The following PIK3CD variants were observed in gnomAD, a reference collection of about 807,000 sequenced individuals.
The protein encoded by PIK3CD is phosphatidylinositol 4,5-bisphosphate 3-kinase catalytic subunit delta isoform.
In PIK3CD, 20 loss-of-function variants were observed where a neutral mutation model predicts 122.9. The observed-to-expected ratio is 0.16, with a 90% confidence interval of 0.11 to 0.24. The LOEUF is 0.24. Ranked by LOEUF, PIK3CD falls within the 10% of genes least tolerant of loss-of-function variation. The probability of loss-of-function intolerance (pLI) is 1.00; values close to 1 mark genes in which losing one functional copy is unlikely to be tolerated. For synonymous variants in PIK3CD, 596 were observed against 593.4 expected (o/e 1.00, Z -0.06); for missense variants, 787 against 1,406.3 (o/e 0.56, Z 7.04).
chr1:9,669,868 A>G (rs2100968150), intron 1 of PIK3CD, among the ~76,000 whole-genome samples: 1 of 152,242 alleles, frequency 6.6e-6, no homozygotes, highest in Middle Eastern at 3.4e-3. Context: ...CATCCTTCTA[A>G]AAAAGTCCAT....
At chr1:9,721,900 C>G in intron 16 of PIK3CD, 40 bp downstream of exon 16, 1 of 1,612,204 alleles carries the variant, frequency 6.2e-7, no homozygotes. Flanking sequence ...GGGGGCGGCC[C>G]TGAGCGTCTG....
At chr1:9,636,532 C>T in the PIK3CD span, among the ~76,000 whole-genome samples, 1 of 152,182 alleles carries the variant, frequency 6.6e-6, no homozygotes, top group South Asian at 2.1e-4. Context: ...CCATCAGTTC[C>T]CATGATGCTG....
At chr1:9,679,527 T>C (rs989199069) in intron 1 of PIK3CD, among the ~76,000 whole-genome samples, 63 of 151,618 alleles carry the variant, frequency 4.2e-4, no homozygotes, top group African/African-American at 1.5e-3. Flanking sequence ...CCTGTTTACC[T>C]CTCAATATTC....
At chr1:9,726,204 CTCTG>C (rs1557678973) in intron 23 of PIK3CD, among the ~76,000 whole-genome samples, 1 of 149,364 alleles carries the variant, frequency 6.7e-6, no homozygotes, top group Non-Finnish European at 1.5e-5. Flanking sequence ...CAGAGCAAGA[CTCTG>C]TCTCAAAAAG....
At chr1:9,702,537 T>TTTTTTTTG (rs1646683763) in intron 2 of PIK3CD, among the ~76,000 whole-genome samples, 2 of 127,016 alleles carry the variant, frequency 1.6e-5, no homozygotes, top group African/African-American at 3.0e-5. Context: ...TTTTTTTTTT[T>TTTTTTTTG]GAGGCAGAGT....
chr1:9,683,639 T>A (rs867986944), intron 1 of PIK3CD, among the ~76,000 whole-genome samples: 1 of 152,064 alleles, frequency 6.6e-6, no homozygotes, highest in Admixed American at 6.6e-5. Flanking sequence ...TGGGGTTGTT[T>A]TGAGGATTTT....
chr1:9,705,620 G>A (rs1157533781), intron 2 of PIK3CD, among the ~76,000 whole-genome samples: 1 of 152,104 alleles, frequency 6.6e-6, no homozygotes, highest in Non-Finnish European at 1.5e-5. Flanking sequence ...ACAAAGGAAT[G>A]GAATCTAGAA....
Position 9,726,940 on chromosome 1 carries a change from A to C in PIK3CD, c.3029A>C (p.Glu1010Ala), listed in dbSNP as rs142050444. ...DSLALGKTEE[E>A]ALKHFRVKFN... ...CTGGCACTGGGGAAAACAGAGGAGG[A>C]GGCACTGAAGCACTTCCGAGTGAAG... Residue 1010 changes from glutamate to alanine, a missense_variant, in exon 24 of 24, where the codon GAG becomes GCG. Transcript: ENST00000377346. 5.0e-5 allele frequency: 80 copies of C among 1,613,888 alleles called. No homozygotes were observed. The highest frequency in any genetic ancestry group is 2.5e-4 in the Admixed American group (15 of 59,998).
Position 9,722,423 on chromosome 1 carries a change from G to C in PIK3CD, c.2347+67G>C. On this transcript the variant is annotated intron_variant, in intron 18 of 23. Coordinates refer to ENST00000377346, the MANE Select transcript of PIK3CD (RefSeq NM_005026.5). The surrounding 1 kb of genome is among the most constrained non-coding windows in gnomAD (Gnocchi z 7.6). ...GGGGGTCCTGGGGTGCTCCTAGAGT[G>C]GGGGTGGAGAAGACAGAATCCTGGG... 4 of 1,546,230 alleles carry C rather than the reference G, an allele frequency of 2.6e-6. No homozygotes were observed. The highest frequency in any genetic ancestry group is 3.6e-6 in the Non-Finnish European group (4 of 1,120,280).
chr1:9,681,124 G>A (rs1188893711), intron 1 of PIK3CD: 6 of 151,874 alleles, frequency 4.0e-5, no homozygotes, highest in Non-Finnish European at 8.8e-5. Flanking sequence ...CCCAGAGCAA[G>A]AGATGAGAGC....
At chr1:9,630,160 G>A in the PIK3CD span, among the ~76,000 whole-genome samples, 2 of 152,228 alleles carry the variant, frequency 1.3e-5, no homozygotes, top group Non-Finnish European at 2.9e-5. Flanking sequence ...CTCCGGGATT[G>A]GACTGATCCA....
rs573998388 is a variant in PIK3CD at position 9,693,958 on chromosome 1, C to T, written c.-33+2387C>T. On this transcript the variant is annotated intron_variant, in intron 2 of 23. Coordinates refer to ENST00000377346, the MANE Select transcript of PIK3CD (RefSeq NM_005026.5). The stretch of plus-strand genomic sequence containing the variant: ...AGACCACCCCCCCAGGCCACATAGC[C>T]AGATGGTTCCCTTCCCCACCCCAGC... Among the ~76,000 whole-genome samples the T allele has an allele frequency of 2.0e-5, 3 of 152,240 alleles. No individual in the cohort carries two copies. In the East Asian group the frequency reaches 5.8e-4, roughly 29 times the overall value.
intron 1 of PIK3CD, among the ~76,000 whole-genome samples, chr1:9,675,931 ATTTT>A (rs577007319): frequency 1.5e-5 from 2 of 132,214 alleles, no homozygotes; most frequent in Non-Finnish European, 3.2e-5. Flanking sequence ...CACCAAGCTA[ATTTT>A]TTTTTTTTTT....
chr1:9,683,909 G>A (rs933641628), intron 1 of PIK3CD, among the ~76,000 whole-genome samples: 3 of 152,156 alleles, frequency 2.0e-5, no homozygotes, highest in Admixed American at 6.5e-5. Context: ...GTGGGATGAC[G>A]AAGGTTGGGC....
chr1:9,710,471 G>C lies in PIK3CD; in HGVS notation c.16G>C (p.Asp6His). The stretch of plus-strand genomic sequence containing the variant: ...ACAACGCAGGATGCCCCCTGGGGTG[G>C]ACTGCCCCATGGAATTCTGGACCAA... MPPGVDCPMEFWTKEE... is the reference protein window; with the variant it reads MPPGVHCPMEFWTKEE... Residue 6 changes from aspartate to histidine, a missense_variant, in exon 3 of 24, where the codon GAC (aspartate) becomes CAC (histidine). Coordinates refer to ENST00000377346, the MANE Select transcript of PIK3CD (RefSeq NM_005026.5). The surrounding 1 kb of genome is among the most constrained non-coding windows in gnomAD (Gnocchi z 4.7). The C allele has an allele frequency of 6.2e-7, 1 of 1,614,116 alleles. No individual in the cohort carries two copies.
chr1:9,654,585 G>T, intron 1 of PIK3CD: 2 of 398,242 alleles, frequency 5.0e-6, no homozygotes, highest in South Asian at 4.0e-5. Context: ...TACTTAAATT[G>T]CACAGTGAAA....
intron 1 of PIK3CD, among the ~76,000 whole-genome samples, chr1:9,660,124 G>C (rs943942598): frequency 6.6e-6 from 1 of 152,230 alleles, no homozygotes; most frequent in Non-Finnish European, 1.5e-5. Context: ...TGTTGGTCAG[G>C]CTGGTCTCAA....
At chr1:9,675,117 G>A (rs1645473941) in intron 1 of PIK3CD, among the ~76,000 whole-genome samples, 1 of 151,830 alleles carries the variant, frequency 6.6e-6, no homozygotes, top group Admixed American at 6.6e-5. Context: ...CGGGCGCGGT[G>A]GCTCACACTT....
chr1:9,721,100 C>T (rs377445012), intron 13 of PIK3CD, 27 bp from the exon 14 acceptor site: 63 of 1,604,016 alleles, frequency 3.9e-5, no homozygotes, highest in Middle Eastern at 3.3e-4. Flanking sequence ...CCCGGCCGCC[C>T]CCAAGCCTGA....
Sources: allele counts gnomAD v4.1 joint callset (sites outside exome capture counted in the v4.1 genomes callset), GRCh38; gene constraint gnomAD v4.1.1; non-coding constraint Gnocchi (gnomAD v3.1); transcripts MANE v1.5; gene names NCBI Gene and HGNC (gene_info 2026-07-23, HGNC 2026-07-21).